The following CNTNAP5 variants were observed in gnomAD, a reference collection of about 807,000 sequenced individuals.
The protein encoded by CNTNAP5 is contactin-associated protein-like 5.
Under a neutral mutation model 150.2 loss-of-function variants are expected in CNTNAP5, and 72 were observed. That is an observed-to-expected ratio of 0.48 (90% CI 0.40 to 0.58). The LOEUF (loss-of-function observed/expected upper bound fraction) is 0.58. Among genes scored for constraint, CNTNAP5 ranks in the 20% least tolerant of loss-of-function variants. The pLI is 0.00. For synonymous variants in CNTNAP5, 672 were observed against 619.8 expected (o/e 1.08, Z -1.25); for missense variants, 1,636 against 1,626.2 (o/e 1.01, Z -0.10).
chr2:124,066,067 G>C (rs1245211000), intron 1 of CNTNAP5, among the ~76,000 whole-genome samples: 3 of 152,176 alleles, frequency 2.0e-5, no homozygotes, highest in African/African-American at 7.2e-5. Flanking sequence ...CAGTCTGCCT[G>C]AGTGCTTAGG....
At chr2:124,042,148 A>G (rs548017003) in intron 1 of CNTNAP5, among the ~76,000 whole-genome samples, 1 of 152,330 alleles carries the variant, frequency 6.6e-6, no homozygotes, top group East Asian at 1.9e-4. Flanking sequence ...GGCATGAGCC[A>G]CCATGCCCAG....
chr2:124,287,054 A>G (rs1301233391), intron 3 of CNTNAP5, among the ~76,000 whole-genome samples: 2 of 152,190 alleles, frequency 1.3e-5, no homozygotes, highest in African/African-American at 2.4e-5. Flanking sequence ...CACACATGCA[A>G]TACTTACCAG....
intron 3 of CNTNAP5, among the ~76,000 whole-genome samples, chr2:124,403,699 G>C (rs771663592): frequency 2.0e-5 from 3 of 152,310 alleles, no homozygotes; most frequent in Non-Finnish European, 4.4e-5. Flanking sequence ...GTGCCTTGCT[G>C]GGGATGACAG....
chr2:124,168,958 G>A (rs1558784145), intron 1 of CNTNAP5, among the ~76,000 whole-genome samples: 1 of 152,136 alleles, frequency 6.6e-6, no homozygotes, highest in East Asian at 1.9e-4. Flanking sequence ...ACACCTGACA[G>A]CCATCATACT....
chr2:124,574,066 T>C (rs575484951), intron 11 of CNTNAP5, among the ~76,000 whole-genome samples: 1 of 152,344 alleles, frequency 6.6e-6, no homozygotes, highest in South Asian at 2.1e-4. Context: ...TTTTCTACTA[T>C]GGATTTCTAC....
intron 11 of CNTNAP5, among the ~76,000 whole-genome samples, chr2:124,586,747 G>C (rs748816792): frequency 1.3e-5 from 2 of 152,116 alleles, no homozygotes; most frequent in Non-Finnish European, 2.9e-5. Context: ...GTTGCAATTG[G>C]GTGGATAGAT....
chr2:124,745,405 A>C (rs1348461824), intron 13 of CNTNAP5, among the ~76,000 whole-genome samples: 1 of 152,080 alleles, frequency 6.6e-6, no homozygotes, highest in African/African-American at 2.4e-5. Context: ...ACACTGACAA[A>C]TGTATTCAAA....
At chr2:124,215,271 G>T (rs148139419) in intron 1 of CNTNAP5, among the ~76,000 whole-genome samples, 1 of 152,192 alleles carries the variant, frequency 6.6e-6, no homozygotes, top group Non-Finnish European at 1.5e-5. Context: ...TAATCAAGAC[G>T]ATGCACACAA....
At chr2:124,538,749 C>A (rs546729023) in intron 10 of CNTNAP5, among the ~76,000 whole-genome samples, 77 of 152,178 alleles carry the variant, frequency 5.1e-4, no homozygotes, top group African/African-American at 1.7e-3. Flanking sequence ...GACTTTTTAT[C>A]TAGATAGAAA....
chr2:124,455,306 T>C (rs886228844), intron 6 of CNTNAP5, among the ~76,000 whole-genome samples: 2 of 152,010 alleles, frequency 1.3e-5, no homozygotes, highest in Non-Finnish European at 1.5e-5. Flanking sequence ...CTAGTGGAGA[T>C]GGATAAATTC....
At chr2:124,359,377 G>T (rs945457207) in intron 3 of CNTNAP5, among the ~76,000 whole-genome samples, 1 of 151,590 alleles carries the variant, frequency 6.6e-6, no homozygotes, top group Non-Finnish European at 1.5e-5. Flanking sequence ...TGCTTTTCTC[G>T]TTCTTTTAAT....
At chr2:124,229,066 G>A (rs1686544599) in intron 2 of CNTNAP5, among the ~76,000 whole-genome samples, 1 of 152,130 alleles carries the variant, frequency 6.6e-6, no homozygotes. Flanking sequence ...ACCCCTACGT[G>A]TGCTCAGAAC....
At chr2:124,170,939 C>T (rs1208069292) in intron 1 of CNTNAP5, among the ~76,000 whole-genome samples, 1 of 152,092 alleles carries the variant, frequency 6.6e-6, no homozygotes, top group African/African-American at 2.4e-5. Context: ...CGTAGGAAAC[C>T]CAACAGGCTC....
At chr2:124,407,148 T>A (rs183925708) in intron 3 of CNTNAP5, among the ~76,000 whole-genome samples, 34 of 152,216 alleles carry the variant, frequency 2.2e-4, no homozygotes, top group Non-Finnish European at 2.8e-4. Context: ...GTGATAAACA[T>A]GGGGGTGCAG....
At chr2:124,834,388 C>T (rs374586623) in intron 19 of CNTNAP5, among the ~76,000 whole-genome samples, 1 of 151,960 alleles carries the variant, frequency 6.6e-6, no homozygotes, top group African/African-American at 2.4e-5. Flanking sequence ...ACCAGCTGTA[C>T]TCTCTGAAAA....
intron 1 of CNTNAP5, among the ~76,000 whole-genome samples, chr2:124,174,813 G>A (rs190982646): frequency 3.0e-4 from 45 of 152,334 alleles, no homozygotes; most frequent in Non-Finnish European, 5.1e-4. Context: ...TATCTTTCAT[G>A]AAAGGAAGAG....
intron 5 of CNTNAP5, among the ~76,000 whole-genome samples, chr2:124,438,944 A>G (rs543564113): frequency 2.6e-5 from 4 of 152,302 alleles, no homozygotes; most frequent in East Asian, 3.9e-4. Flanking sequence ...GCTCAAGGTC[A>G]CATAGCTGCA....
At chr2:124,248,995 A>T (rs1395470776) in intron 3 of CNTNAP5, among the ~76,000 whole-genome samples, 1 of 152,120 alleles carries the variant, frequency 6.6e-6, no homozygotes, top group Non-Finnish European at 1.5e-5. Flanking sequence ...TTGTAATTGT[A>T]TTTTCAATAT....
chr2:124,220,734 A>T (rs1686285288), intron 1 of CNTNAP5, among the ~76,000 whole-genome samples: 1 of 152,016 alleles, frequency 6.6e-6, no homozygotes, highest in East Asian at 1.9e-4. Flanking sequence ...GAGAGAACCC[A>T]CTCCTGAAAG....
Sources: gnomAD v4.1 joint callset for allele counts (sites outside exome capture counted in the v4.1 genomes callset) on GRCh38, gnomAD v4.1.1 for gene constraint, MANE v1.5 for transcripts, NCBI Gene and HGNC (gene_info 2026-07-23, HGNC 2026-07-21) for gene names.